Variants in TEAD1 observed in about 807,000 individuals in gnomAD.
The protein encoded by TEAD1 is TEA domain transcription factor 1.
In TEAD1, 9 loss-of-function variants were observed where a neutral mutation model predicts 54.9. The ratio of observed to expected loss-of-function variants is 0.16; its 90% confidence interval spans 0.10 to 0.29. The LOEUF (loss-of-function observed/expected upper bound fraction) is 0.29. Ranked by LOEUF, TEAD1 falls within the 10% of genes least tolerant of loss-of-function variation. TEAD1 has a pLI of 1.00. For synonymous variants in TEAD1, 200 were observed against 187.8 expected (o/e 1.07, Z -0.53); for missense variants, 387 against 535.9 (o/e 0.72, Z 2.74).
At chr11:12,781,385 A>G (rs1352723396) in intron 3 of TEAD1, among the ~76,000 whole-genome samples, 1 of 152,214 alleles carries the variant, frequency 6.6e-6, no homozygotes, top group East Asian at 1.9e-4. Context: ...ATGAAAAGGC[A>G]ATCCAGAGAA....
At chr11:12,900,425 A>T (rs1948406171) in intron 9 of TEAD1, among the ~76,000 whole-genome samples, 2 of 152,246 alleles carry the variant, frequency 1.3e-5, no homozygotes, top group African/African-American at 4.8e-5. Context: ...TATTAAAAGA[A>T]TAATAGCTAG....
At chr11:12,848,279 A>T (rs906272820) in intron 3 of TEAD1, among the ~76,000 whole-genome samples, 1 of 152,190 alleles carries the variant, frequency 6.6e-6, no homozygotes, top group Non-Finnish European at 1.5e-5. Flanking sequence ...ATTTTATTGA[A>T]TGGGAGAGGA....
intron 2 of TEAD1, among the ~76,000 whole-genome samples, chr11:12,761,179 A>G (rs1945096040): frequency 6.6e-6 from 1 of 152,220 alleles, no homozygotes; most frequent in African/African-American, 2.4e-5. Context: ...ACATTCCCCC[A>G]AACAACCAGG....
chr11:12,820,989 G>A (rs2134002776), intron 3 of TEAD1, among the ~76,000 whole-genome samples: 1 of 152,254 alleles, frequency 6.6e-6, no homozygotes, highest in East Asian at 1.9e-4. Flanking sequence ...AGCACTTTGG[G>A]GGCTCTATGC....
intron 9 of TEAD1, among the ~76,000 whole-genome samples, chr11:12,899,903 G>A (rs1948392314): frequency 6.6e-6 from 1 of 152,240 alleles, no homozygotes; most frequent in Non-Finnish European, 1.5e-5. Context: ...ATCAGATGGA[G>A]TGTCCAGCCT....
intron 6 of TEAD1, among the ~76,000 whole-genome samples, chr11:12,880,251 G>A (rs1031226022): frequency 2.6e-5 from 4 of 152,136 alleles, no homozygotes; most frequent in African/African-American, 9.7e-5. Context: ...AAAGGGACAA[G>A]GTATTCTATT....
chr11:12,867,792 GTCAT>G (rs1947653200), intron 5 of TEAD1, among the ~76,000 whole-genome samples: 1 of 152,140 alleles, frequency 6.6e-6, no homozygotes, highest in Non-Finnish European at 1.5e-5. Context: ...GATAATTGAG[GTCAT>G]CCCAAAAGAC....
intron 3 of TEAD1, among the ~76,000 whole-genome samples, chr11:12,791,350 G>A (rs1945799119): frequency 6.6e-6 from 1 of 152,192 alleles, no homozygotes; most frequent in African/African-American, 2.4e-5. Context: ...TGCATTCCTT[G>A]TAGTCAGCAG....
At chr11:12,695,126 C>T (rs1002858888) in intron 2 of TEAD1, among the ~76,000 whole-genome samples, 2 of 152,218 alleles carry the variant, frequency 1.3e-5, no homozygotes, top group African/African-American at 4.8e-5. Context: ...TTCGTTCTTA[C>T]TTGTCGTTTG....
At chr11:12,720,840 C>T (rs902966876) in intron 2 of TEAD1, among the ~76,000 whole-genome samples, 10 of 152,182 alleles carry the variant, frequency 6.6e-5, no homozygotes, top group African/African-American at 2.4e-4. Context: ...CCAAGACCCT[C>T]TCCCAGCATT....
At position 12,921,615 on chromosome 11, in the gene TEAD1, T is replaced by C. The variant is rs1237543917; in HGVS notation, c.874-3297T>C. 3.3e-5 allele frequency among the ~76,000 whole-genome samples: 5 copies of C among 151,762 alleles called. No individual in the cohort carries two copies. In the East Asian group the frequency reaches 9.7e-4, roughly 29 times the overall value. On this transcript the variant is annotated intron_variant, in intron 10 of 12. Coordinates refer to ENST00000527636, the MANE Select transcript of TEAD1 (RefSeq NM_021961.6). ...AATAACAGCATTAATCCTGCCACCA[T>C]AAAGCACCTGAACTGCTTTTCACAG...
chr11:12,682,240 A>G (rs1943237892), intron 2 of TEAD1, among the ~76,000 whole-genome samples: 1 of 152,210 alleles, frequency 6.6e-6, no homozygotes, highest in African/African-American at 2.4e-5. Flanking sequence ...GGAATTCACT[A>G]AGATGTTCTT....
chr11:12,931,219 A>C (rs1017373020), intron 12 of TEAD1, among the ~76,000 whole-genome samples: 1 of 152,252 alleles, frequency 6.6e-6, no homozygotes, highest in African/African-American at 2.4e-5. Flanking sequence ...TTTTCCCCTA[A>C]TACTTAACTT....
intron 3 of TEAD1, among the ~76,000 whole-genome samples, chr11:12,837,199 C>G (rs1006212877): frequency 1.3e-5 from 2 of 152,154 alleles, no homozygotes; most frequent in Non-Finnish European, 2.9e-5. Context: ...ATTGGTTACC[C>G]TCTTCCTTTC....
intron 9 of TEAD1, among the ~76,000 whole-genome samples, chr11:12,901,703 G>A (rs373061430): frequency 9.9e-5 from 15 of 152,268 alleles, no homozygotes; most frequent in Middle Eastern, 6.8e-3. Context: ...CCGCAAAAAA[G>A]CCTTTTTTAG....
intron 3 of TEAD1, among the ~76,000 whole-genome samples, chr11:12,800,236 A>G (rs796317430): frequency 1.3e-5 from 2 of 152,182 alleles, no homozygotes; most frequent in African/African-American, 4.8e-5. Flanking sequence ...GGAAAAATCA[A>G]CAGTCACCAG....
rs952853888 is a variant in TEAD1 at position 12,815,289 on chromosome 11, C to G, written c.203-46961C>G. ...TTCCTTTTTCCCTTTCTTCTTCCCT[C>G]CCTCCCTTCCCAGATAGCTAGCCAC... On this transcript the variant is annotated intron_variant, in intron 3 of 12. Transcript: ENST00000527636. 1.1e-4 allele frequency among the ~76,000 whole-genome samples: 16 copies of G among 152,192 alleles called. No individual in the cohort carries two copies. In the South Asian group the frequency reaches 2.9e-3, roughly 28 times the overall value.
intron 2 of TEAD1, among the ~76,000 whole-genome samples, chr11:12,682,344 G>A (rs929307370): frequency 2.0e-5 from 3 of 152,124 alleles, no homozygotes; most frequent in East Asian, 3.8e-4. Context: ...TTCTCTGCTC[G>A]GCATTCATTT....
intron 3 of TEAD1, among the ~76,000 whole-genome samples, chr11:12,856,696 A>G (rs1425935240): frequency 1.3e-5 from 2 of 152,192 alleles, no homozygotes; most frequent in African/African-American, 2.4e-5. Context: ...TTAATATGGA[A>G]GAACGGGGTG....
Sources: gnomAD v4.1 joint callset for allele counts (sites outside exome capture counted in the v4.1 genomes callset) on GRCh38, gnomAD v4.1.1 for gene constraint, MANE v1.5 for transcripts, NCBI Gene and HGNC (gene_info 2026-07-23, HGNC 2026-07-21) for gene names.